The following FNDC3B variants were observed in gnomAD, a reference collection of about 807,000 sequenced individuals.
FNDC3B encodes fibronectin type III domain-containing protein 3B.
In FNDC3B, 12 loss-of-function variants were observed where a neutral mutation model predicts 151.5. That is an observed-to-expected ratio of 0.08 (90% confidence interval 0.05 to 0.13). The LOEUF (loss-of-function observed/expected upper bound fraction) is 0.13, where lower values mean the gene tolerates loss of function less well. Among genes scored for constraint, FNDC3B ranks in the 10% least tolerant of loss-of-function variants. The pLI is 1.00. For missense variants in FNDC3B, 1,214 were observed against 1,505.3 expected (o/e 0.81, Z 3.20); for synonymous variants, 528 against 549.0 (o/e 0.96, Z 0.54).
chr3:172,337,381 T>C lies in FNDC3B; in HGVS notation c.1832T>C (p.Ile611Thr), dbSNP rs1387321583. Residue 611 changes from isoleucine to threonine, a missense_variant, in exon 16 of 26, where the codon ATT (isoleucine) becomes ACT (threonine). Ile to Thr is a moderately conservative substitution (Grantham distance 89). Around this residue, in one of 7 missense-constraint regions of FNDC3B, gnomAD observed 380 missense variants for 420.9 expected, o/e 0.90. Transcript: ENST00000415807. ...GSEILKYLLE[I>T]TDGNSEANQW... is the part of the protein sequence containing the mutation. ...GAAATCCTCAAGTACTTGCTAGAGA[T>C]TACTGATGGAAATTCTGAAGGTGAA... 1.2e-6 allele frequency: 2 copies of C among 1,612,528 alleles called. No homozygotes were observed. Among genetic ancestry groups the C allele is most frequent in the Non-Finnish European group, 1.7e-6 (2 of 1,178,710 alleles).
intron 1 of FNDC3B, among the ~76,000 whole-genome samples, chr3:172,109,930 C>T (rs1337918741): frequency 6.6e-6 from 1 of 152,102 alleles, no homozygotes; most frequent in Non-Finnish European, 1.5e-5. Context: ...TGTGTCAGTC[C>T]CCATACTCTT....
intron 3 of FNDC3B, among the ~76,000 whole-genome samples, chr3:172,177,626 C>CTTTTTTTTTTTTTTT (rs10684671): frequency 0.013 from 1,075 of 84,752 alleles, 67 homozygotes; most frequent in Non-Finnish European, 0.014. Context: ...TTACCACCAT[C>CTTTTTTTTTTTTTTT]TTTTTTTTTT....
chr3:172,102,956 G>A (rs1166742063), intron 1 of FNDC3B, among the ~76,000 whole-genome samples: 1 of 152,072 alleles, frequency 6.6e-6, no homozygotes, highest in East Asian at 1.9e-4. Flanking sequence ...AGGTTAGCTT[G>A]GGTATGTGTG....
intron 3 of FNDC3B, among the ~76,000 whole-genome samples, chr3:172,165,899 T>C (rs1380233292): frequency 6.6e-6 from 1 of 152,218 alleles, no homozygotes; most frequent in Non-Finnish European, 1.5e-5. Context: ...TTAACATACA[T>C]ATGTACTAAA....
intron 1 of FNDC3B, among the ~76,000 whole-genome samples, chr3:172,043,598 A>AT (rs1716203743): frequency 6.6e-6 from 1 of 152,034 alleles, no homozygotes; most frequent in Non-Finnish European, 1.5e-5. Flanking sequence ...CTCTTAGTTC[A>AT]TTTTTCTTTC....
chr3:172,157,396 A>G lies in FNDC3B; in HGVS notation c.187+23850A>G, dbSNP rs970741559. 2.0e-5 allele frequency among the ~76,000 whole-genome samples: 3 copies of G among 152,264 alleles called. No individual in the cohort carries two copies. In the South Asian group the frequency reaches 6.2e-4, roughly 32 times the overall value. The stretch of plus-strand genomic sequence containing the variant: ...TCACTTAGTTTTGCCTCATGGTAAC[A>G]TCTTGCATAACTATATTTTAATATA... On this transcript the variant is annotated intron_variant, in intron 3 of 25. Coordinates refer to ENST00000415807, the MANE Select transcript of FNDC3B (RefSeq NM_022763.4).
rs368917254 is a variant in FNDC3B at position 172,281,333 on chromosome 3, C to T, written c.791-4593C>T. Reference sequence around the variant, plus strand: ...CGATCTCAGCTCACTGCAACCTCCACATCCCGGGTTCAAGCGATCTCCTGC... The same window carrying T: ...CGATCTCAGCTCACTGCAACCTCCATATCCCGGGTTCAAGCGATCTCCTGC... On this transcript the variant is annotated intron_variant, in intron 6 of 25. Transcript: ENST00000415807. Among the ~76,000 whole-genome samples the T allele has an allele frequency of 9.2e-5, 14 of 152,062 alleles. No homozygotes were observed. In the East Asian group the frequency reaches 1.7e-3, roughly 19 times the overall value.
At chr3:172,113,528 C>T (rs1433943521) in intron 2 of FNDC3B, among the ~76,000 whole-genome samples, 2 of 152,122 alleles carry the variant, frequency 1.3e-5, no homozygotes, top group African/African-American at 4.8e-5. Context: ...TACTATCAAC[C>T]TCTTAAGAAC....
Position 172,323,436 on chromosome 3 carries a change from C to T in FNDC3B, c.1255-5516C>T, listed in dbSNP as rs572752521. ...GCTGAGAAGGAGAATCCCTTGAGTC[C>T]AGCAGTTTGAGGCTACAGTGAGCTA... On this transcript the variant is annotated intron_variant, in intron 11 of 25. Transcript: ENST00000415807. Among the ~76,000 whole-genome samples, 4 of 152,260 alleles carry T rather than the reference C, an allele frequency of 2.6e-5. No homozygotes were observed. The East Asian group carries it at 7.7e-4, about 29-fold the overall frequency.
rs1344766470 is a variant in FNDC3B, at chr3:172,400,920, G to C, written c.*3445G>C. ...TTACAGGCACTCGCCACCATGCCCG[G>C]ATAATTTTTTTTTTTTTTTTGAGTT... is the stretch of plus-strand genomic sequence containing the variant. On this transcript the variant is annotated 3_prime_UTR_variant, in exon 26 of 26. Coordinates refer to ENST00000415807, the MANE Select transcript of FNDC3B (RefSeq NM_022763.4). The C allele has an allele frequency of 8.9e-6, 1 of 111,824 alleles. No homozygotes were observed. The highest frequency in any genetic ancestry group is 1.9e-5 in the Non-Finnish European group (1 of 53,962). 6.9% of individuals were successfully genotyped at this position (111,824 alleles called of 1,614,324 possible).
At chr3:172,376,023 A>G (rs921836901) in intron 23 of FNDC3B, among the ~76,000 whole-genome samples, 1 of 152,202 alleles carries the variant, frequency 6.6e-6, no homozygotes, top group East Asian at 1.9e-4. Flanking sequence ...TCATTTTTGT[A>G]ATTCTAATTA....
At chr3:172,245,367 G>C (rs1158323593) in intron 4 of FNDC3B, among the ~76,000 whole-genome samples, 2 of 152,152 alleles carry the variant, frequency 1.3e-5, no homozygotes, top group Non-Finnish European at 2.9e-5. Context: ...AAAGAATAAA[G>C]ATTGTAAACC....
In FNDC3B at chr3:172,269,892, C is replaced by A. The variant is rs1025321061; in HGVS notation, c.791-16034C>A. Among the ~76,000 whole-genome samples the A allele has an allele frequency of 2.6e-5, 4 of 152,312 alleles. No homozygotes were observed. The South Asian group carries it at 8.3e-4, about 32-fold the overall frequency. On this transcript the variant is annotated intron_variant, in intron 6 of 25. Transcript: ENST00000415807. ...TCGATCTCCTGACCTCGTGATCCGC[C>A]CACCTCAGCCTCCCAAAGTGCTGGG...
At chr3:172,149,017 A>T (rs1190253504) in intron 3 of FNDC3B, among the ~76,000 whole-genome samples, 1 of 152,206 alleles carries the variant, frequency 6.6e-6, no homozygotes, top group Non-Finnish European at 1.5e-5. Context: ...AGAATTTGAG[A>T]CAAAGTGCTG....
intron 2 of FNDC3B, among the ~76,000 whole-genome samples, chr3:172,130,525 A>AG (rs946669139): frequency 1.1e-4 from 16 of 151,898 alleles, no homozygotes; most frequent in African/African-American, 2.9e-4. Context: ...CTCAGTAAGC[A>AG]GGGGGGGAAG....
chr3:172,239,316 CTT>C (rs1410907504), intron 4 of FNDC3B, among the ~76,000 whole-genome samples: 1 of 152,120 alleles, frequency 6.6e-6, no homozygotes, highest in African/African-American at 2.4e-5. Context: ...TTGTTCTTCT[CTT>C]TGTTCATTGT....
intron 23 of FNDC3B, among the ~76,000 whole-genome samples, chr3:172,368,152 C>T (rs568423336): frequency 6.6e-6 from 1 of 152,064 alleles, no homozygotes; most frequent in Non-Finnish European, 1.5e-5. Context: ...CACACTAGGT[C>T]CCAGCTACTC....
In FNDC3B at chr3:172,243,862, G is replaced by C. The variant is rs117356533; in HGVS notation, c.265-3671G>C. Among the ~76,000 whole-genome samples, 12 of 152,288 alleles carry C rather than the reference G, an allele frequency of 7.9e-5. No homozygotes were observed. In the East Asian group the frequency reaches 2.3e-3, roughly 29 times the overall value. On this transcript the variant is annotated intron_variant, in intron 4 of 25. Transcript: ENST00000415807. ...AGTGAGCATCAGAACGTCAACATTT[G>C]AATTTGGGGACACATAAGTCAGCCC... is the stretch of plus-strand genomic sequence containing the variant.
intron 3 of FNDC3B, among the ~76,000 whole-genome samples, chr3:172,134,692 G>A (rs1485791397): frequency 6.6e-6 from 1 of 151,774 alleles, no homozygotes; most frequent in African/African-American, 2.4e-5. Flanking sequence ...TATTTTTAAA[G>A]ATTCAAGGCT....
Sources: gnomAD v4.1 joint callset for allele counts (sites outside exome capture counted in the v4.1 genomes callset) on GRCh38, gnomAD v4.1.1 for gene constraint, gnomAD v4.1.1 regional missense constraint, MANE v1.5 for transcripts, NCBI Gene and HGNC (gene_info 2026-07-23, HGNC 2026-07-21) for gene names.